Variants in BAHCC1 observed in about 807,000 individuals in gnomAD.
BAHCC1 encodes BAH domain and coiled-coil containing 1, also known as BAH and coiled-coil domain-containing protein 1.
Under a neutral mutation model 88.2 loss-of-function variants are expected in BAHCC1, and 43 were observed. The ratio of observed to expected loss-of-function variants is 0.49; its 90% CI spans 0.38 to 0.63. BAHCC1 has a LOEUF of 0.63. Among genes scored for constraint, BAHCC1 ranks in the 20% least tolerant of loss-of-function variants. BAHCC1 has a pLI of 0.00. For synonymous variants in BAHCC1, 1,510 were observed against 745.5 expected (o/e 2.03, Z -16.71); for missense variants, 3,023 against 1,654.8 (o/e 1.83, Z -14.34).
rs533538151 is a variant in BAHCC1, at chr17:81,450,998, C to T, written c.3977-670C>T. 5.2e-4 allele frequency: 79 copies of T among 153,374 alleles called. 1 individual carries two copies. In the South Asian group the frequency reaches 0.015, roughly 30 times the overall value. 9.5% of individuals were successfully genotyped at this position (153,374 alleles called of 1,614,324 possible). ...ATTGCTCTTTAGGTGTCCACACAGG[C>T]GAGTGGACGGAAGGACTGATGGGCA... On this transcript the variant is annotated intron_variant, in intron 11 of 27. Transcript: ENST00000675386.
chr17:81,441,815 G>A lies in BAHCC1; in HGVS notation c.482-16G>A, dbSNP rs781969774. The A allele has an allele frequency of 5.0e-6, 3 of 600,686 alleles. No homozygotes were observed. Among genetic ancestry groups the A allele is most frequent in the Non-Finnish European group, 6.1e-6 (2 of 326,626 alleles). 37.2% of individuals were successfully genotyped at this position (600,686 alleles called of 1,614,324 possible). On this transcript the variant is annotated splice_polypyrimidine_tract_variant and intron_variant, in intron 4 of 27. Coordinates refer to ENST00000675386, the MANE Select transcript of BAHCC1 (RefSeq NM_001377448.1). ...CCCCTAAGGCCTCCCATTGACCTTG[G>A]CTCTTTCCCACACAGATAACTTCTA...
At chr17:81,436,022 T>C (rs1303584257) in intron 3 of BAHCC1, among the ~76,000 whole-genome samples, 1 of 152,134 alleles carries the variant, frequency 6.6e-6, no homozygotes, top group Non-Finnish European at 1.5e-5. Flanking sequence ...TCCCTTCCTT[T>C]CTCTGCCCCC....
rs536249418 is a variant in BAHCC1, at chr17:81,445,641, G to A, written c.3123G>A (p.Glu1041=). Residue 1041 remains glutamate, a synonymous_variant, in exon 10 of 28, where the codon GAG becomes GAA. Transcript: ENST00000675386. ...GCAGCGCCGAGGAAAAGAATGGGGA[G>A]GGTCAGCAGTCCACGGCCGACATCA... is the stretch of plus-strand genomic sequence containing the variant. ...RVRSAEEKNG[E]GQQSTADIIT... is the part of the protein sequence containing the mutation. 1.1e-5 allele frequency: 8 copies of A among 734,270 alleles called. No homozygotes were observed. Among genetic ancestry groups the A allele is most frequent in the Non-Finnish European group, 2.0e-5 (8 of 395,320 alleles). The allele number at this position is 734,270 out of a possible 1,614,324, so 45.5% of individuals were successfully genotyped here. A position where few individuals can be genotyped will look rare whatever the true frequency, so the allele number is the denominator to read the frequency against.
chr17:81,445,984 G>T (rs2064519765), intron 10 of BAHCC1, among the ~76,000 whole-genome samples: 2 of 152,258 alleles, frequency 1.3e-5, no homozygotes, highest in Non-Finnish European at 2.9e-5. Context: ...GCCTGCTGGT[G>T]GTGGTACTGG....
Position 81,445,054 on chromosome 17 carries a change from A to T in BAHCC1, c.2711A>T (p.Tyr904Phe). The change falls in exon 9 of 28, where the codon TAC becomes TTC. Residue 904 changes from tyrosine to phenylalanine, a missense_variant. Transcript: ENST00000675386. ...MDQASLWPPM[Y>F]GGRGPASHMQ... ...CAGGCGTCACTGTGGCCCCCCATGT[A>T]CGGGGGCCGGGGCCCCGCCTCTCAC... The T allele has an allele frequency of 1.3e-6, 1 of 764,058 alleles. No homozygotes were observed. Among genetic ancestry groups the T allele is most frequent in the Non-Finnish European group, 2.4e-6 (1 of 412,368 alleles). The allele number at this position is 764,058 out of a possible 1,614,324, so 47.3% of individuals were successfully genotyped here. A position where few individuals can be genotyped will look rare whatever the true frequency, so the allele number is the denominator to read the frequency against.
At chr17:81,432,642 CTGTT>C (rs2064277485) in intron 3 of BAHCC1, among the ~76,000 whole-genome samples, 2 of 105,050 alleles carry the variant, frequency 1.9e-5, no homozygotes, top group African/African-American at 8.0e-5. Context: ...CCGGGCCCAC[CTGTT>C]CCCCTGAGCC....
In BAHCC1 at chr17:81,461,582, C is replaced by G. The variant is rs943546189; in HGVS notation, c.6919C>G (p.Pro2307Ala). The G allele has an allele frequency of 4.2e-6, 3 of 720,278 alleles. No homozygotes were observed. Among genetic ancestry groups the G allele is most frequent in the Non-Finnish European group, 7.7e-6 (3 of 387,348 alleles). 44.6% of individuals were successfully genotyped at this position (720,278 alleles called of 1,614,324 possible). The change falls in exon 26 of 28, where the codon CCC (proline) becomes GCC (alanine). Residue 2307 changes from proline to alanine, a missense_variant. Physicochemically the swap from Pro to Ala is conservative, Grantham distance 27 (BLOSUM62 -1). Coordinates refer to ENST00000675386, the MANE Select transcript of BAHCC1 (RefSeq NM_001377448.1). ...CGGGCCGGGGCTGGCGGCCGGCGTG[C>G]CCTCCCGCTTCCTCGCCCGCCTGTC... ...EDGPGLAAGV[P>A]SRFLARLSVS...
chr17:81,437,647 C>T (rs2064354501), intron 3 of BAHCC1, among the ~76,000 whole-genome samples: 2 of 152,232 alleles, frequency 1.3e-5, no homozygotes, highest in Admixed American at 1.3e-4. Context: ...CTGTGCTGGG[C>T]AGGGGCAGGC....
At chr17:81,420,102 C>G (rs1056547737) in intron 2 of BAHCC1, among the ~76,000 whole-genome samples, 2 of 152,174 alleles carry the variant, frequency 1.3e-5, no homozygotes, top group East Asian at 3.8e-4. Flanking sequence ...GCTGCTGGAC[C>G]GACCCTTACA....
At chr17:81,426,126 A>AGTGGTGGGTGATGTGGTTGGTGGTGAT (rs2064194117) in intron 2 of BAHCC1, among the ~76,000 whole-genome samples, 176 of 3,058 alleles carry the variant, frequency 0.058, 3 homozygotes, top group South Asian at 0.087. Context: ...TGGTGGTGAT[A>AGTGGTGGGTGATGTGGTTGGTGGTGAT]GTGGTTGGTG....
In BAHCC1 at chr17:81,399,645, G is replaced by A; in HGVS notation, c.-95G>A. The A allele has an allele frequency of 2.4e-6, 2 of 845,470 alleles. No homozygotes were observed. Among genetic ancestry groups the A allele is most frequent in the Non-Finnish European group, 3.0e-6 (2 of 664,868 alleles). 52.4% of individuals were successfully genotyped at this position (845,470 alleles called of 1,614,324 possible). On this transcript the variant is annotated 5_prime_UTR_variant, in exon 2 of 28. Coordinates refer to ENST00000675386, the MANE Select transcript of BAHCC1 (RefSeq NM_001377448.1). The surrounding 1 kb of genome is among the most constrained non-coding windows in gnomAD (Gnocchi z 4.5). Reference sequence around the variant, plus strand: ...GCCACCACCGCCTGTGACCCCGGACGCCGCCGCCTCTGCGCCGCCCGCGCG... The same window carrying A: ...GCCACCACCGCCTGTGACCCCGGACACCGCCGCCTCTGCGCCGCCCGCGCG...
At position 81,455,290 on chromosome 17, in the gene BAHCC1, T is replaced by C; in HGVS notation, c.4469T>C (p.Leu1490Pro). 1 of 717,040 alleles carries C rather than the reference T, an allele frequency of 1.4e-6. No homozygotes were observed. Among genetic ancestry groups the C allele is most frequent in the Non-Finnish European group, 2.6e-6 (1 of 385,326 alleles). 44.4% of individuals were successfully genotyped at this position (717,040 alleles called of 1,614,324 possible). Reference sequence around the variant, plus strand: ...AGGGCGGTGCGGACAAGCCTGGGTCTGCTGTGTGCGGAGCTGCGAGGAGGC... The same window carrying C: ...AGGGCGGTGCGGACAAGCCTGGGTCCGCTGTGTGCGGAGCTGCGAGGAGGC... ...KVKAVRTSLG[L>P]LCAELRGGSG... is the part of the protein sequence containing the mutation. Residue 1490 changes from leucine to proline, a missense_variant, in exon 15 of 28, where the codon CTG (leucine) becomes CCG (proline). Leu to Pro is a moderately conservative substitution (Grantham distance 98). Coordinates refer to ENST00000675386, the MANE Select transcript of BAHCC1 (RefSeq NM_001377448.1).
chr17:81,459,588 G>C lies in BAHCC1; in HGVS notation c.5889G>C (p.Pro1963=), dbSNP rs199959326. 1 of 779,668 alleles carries C rather than the reference G, an allele frequency of 1.3e-6. No individual in the cohort carries two copies. Among genetic ancestry groups the C allele is most frequent in the South Asian group, 1.3e-5 (1 of 74,624 alleles). 48.3% of individuals were successfully genotyped at this position (779,668 alleles called of 1,614,324 possible). ...GTCAGAAGTCTCGATGTCTGTACCCGGGCAACGTGGTCCGGGGTAAGTTGC... is the reference window on the plus strand; with the variant it reads ...GTCAGAAGTCTCGATGTCTGTACCCCGGCAACGTGGTCCGGGGTAAGTTGC... ...YWSQKSRCLY[P]GNVVRGASGD... The change falls in exon 23 of 28, where the codon CCG becomes CCC. Residue 1963 remains proline (P), a synonymous_variant. Transcript: ENST00000675386.
intron 4 of BAHCC1, among the ~76,000 whole-genome samples, chr17:81,440,638 C>T (rs983051320): frequency 2.6e-5 from 4 of 152,286 alleles, no homozygotes; most frequent in African/African-American, 7.2e-5. Flanking sequence ...CTCTGTGGGG[C>T]GATGGGTAAC....
At chr17:81,404,504 C>T (rs999710476) in intron 2 of BAHCC1, among the ~76,000 whole-genome samples, 14 of 152,152 alleles carry the variant, frequency 9.2e-5, no homozygotes, top group African/African-American at 2.4e-4. Flanking sequence ...GGGTCATTGT[C>T]CCCTGAGAAG....
chr17:81,452,730 G>A lies in BAHCC1; in HGVS notation c.4324G>A (p.Glu1442Lys), dbSNP rs782009005. The A allele has an allele frequency of 2.0e-5, 15 of 752,478 alleles. No individual in the cohort carries two copies. Among genetic ancestry groups the A allele is most frequent in the Non-Finnish European group, 2.7e-5 (11 of 406,950 alleles). The allele number at this position is 752,478 out of a possible 1,614,324, so 46.6% of individuals were successfully genotyped here. The change falls in exon 14 of 28, where the codon GAG becomes AAG. Residue 1442 changes from glutamate to lysine, a missense_variant. Coordinates refer to ENST00000675386, the MANE Select transcript of BAHCC1 (RefSeq NM_001377448.1). Reference sequence around the variant, plus strand: ...CCCCCCTGCGGCCCCCAGGAGAGACGAGAGTTCACGGAGCCCTGCACGGCG... The same window carrying A: ...CCCCCCTGCGGCCCCCAGGAGAGACAAGAGTTCACGGAGCCCTGCACGGCG... ...LQRKHDHERD[E>K]SSRSPARRGP... is the part of the protein sequence containing the mutation.
chr17:81,438,609 C>T, intron 4 of BAHCC1, 117 bp downstream of exon 4: 1 of 667,896 alleles, frequency 1.5e-6, no homozygotes, highest in Non-Finnish European at 2.8e-6. Flanking sequence ...CACCAGGTGT[C>T]ATCGAGGCCA....
chr17:81,462,669 TGCCTCCTG>T (rs1381641939), intron 26 of BAHCC1, 63 bp from the exon 27 acceptor site: 1 of 700,476 alleles, frequency 1.4e-6, no homozygotes, highest in Non-Finnish European at 2.6e-6. Context: ...ACACCCTCCA[TGCCTCCTG>T]GCCGCCACCT....
rs201942964 is a variant in BAHCC1, at chr17:81,458,852, G to C, written c.5488G>C (p.Ala1830Pro). 2 of 770,520 alleles carry C rather than the reference G, an allele frequency of 2.6e-6. No homozygotes were observed. Among genetic ancestry groups the C allele is most frequent in the Non-Finnish European group, 2.4e-6 (1 of 411,264 alleles). 47.7% of individuals were successfully genotyped at this position (770,520 alleles called of 1,614,324 possible). A position where few individuals can be genotyped will look rare whatever the true frequency, so the allele number is the denominator to read the frequency against. ...RAVSRLLESF[A>P]VEEDFEFDDN... ...CGTGAGCCGCCTGCTGGAAAGCTTC[G>C]CCGTGGAGGAAGACTTTGAGTTCGA... The change falls in exon 20 of 28, where the codon GCC (alanine) becomes CCC (proline). Residue 1830 changes from alanine (A) to proline (P), a missense_variant. Physicochemically the swap from Ala to Pro is conservative, Grantham distance 27 (BLOSUM62 -1). Coordinates refer to ENST00000675386, the MANE Select transcript of BAHCC1 (RefSeq NM_001377448.1).
Sources: gnomAD v4.1 joint callset for allele counts (sites outside exome capture counted in the v4.1 genomes callset) on GRCh38, gnomAD v4.1.1 for gene constraint, Gnocchi (gnomAD v3.1) non-coding constraint, MANE v1.5 for transcripts, NCBI Gene and HGNC (gene_info 2026-07-23, HGNC 2026-07-21) for gene names.